The following RNF112 variants were observed in gnomAD, a reference collection of about 807,000 sequenced individuals.
RNF112 encodes ring finger protein 112.
RNF112 carries 34 observed loss-of-function variants against 64.7 expected under a neutral mutation model. The ratio of observed to expected loss-of-function variants is 0.53; its 90% CI spans 0.40 to 0.70. The LOEUF is 0.70. Among genes scored for constraint, RNF112 ranks in the 30% least tolerant of loss-of-function variants. The probability of loss-of-function intolerance (pLI) is 0.00; values close to 1 mark genes in which losing one functional copy is unlikely to be tolerated. For synonymous variants in RNF112, 345 were observed against 344.5 expected, an observed-to-expected ratio of 1.00 and a Z score of -0.02; for missense variants, 734 against 850.0, an observed-to-expected ratio of 0.86 and a Z score of 1.70.
In RNF112 at chr17:19,411,350, G is replaced by A; in HGVS notation, c.-59G>A. 6.5e-7 allele frequency: 1 copy of A among 1,548,734 alleles called. No individual in the cohort carries two copies. Reference sequence around the variant, plus strand: ...GGGAGAAAAGGCATCCTTACCTCTGGTTGAAGGTCTCGGGGCCTCCCCCTC... The same window carrying A: ...GGGAGAAAAGGCATCCTTACCTCTGATTGAAGGTCTCGGGGCCTCCCCCTC... On this transcript the variant is annotated 5_prime_UTR_variant, in exon 1 of 14. Coordinates refer to ENST00000461366, the MANE Select transcript of RNF112 (RefSeq NM_007148.5).
Position 19,412,349 on chromosome 17 carries a change from C to G in RNF112, c.96-149C>G. Reference sequence around the variant, plus strand: ...CAGAGCTTGGCCTCTCTGGGAGCAGCTCCGCCTGTCCATGGAGGCACTGAT... The same window carrying G: ...CAGAGCTTGGCCTCTCTGGGAGCAGGTCCGCCTGTCCATGGAGGCACTGAT... On this transcript the variant is annotated intron_variant, in intron 2 of 13. Coordinates refer to ENST00000461366, the MANE Select transcript of RNF112 (RefSeq NM_007148.5). This position sits in a 1 kb window ranked among gnomAD's most constrained non-coding sequence, Gnocchi z 5.1. 2 of 841,490 alleles carry G rather than the reference C, an allele frequency of 2.4e-6. No homozygotes were observed. Among genetic ancestry groups the G allele is most frequent in the Non-Finnish European group, 3.6e-6 (2 of 557,022 alleles). The allele number at this position is 841,490 out of a possible 1,614,324, so 52.1% of individuals were successfully genotyped here.
In RNF112 at chr17:19,412,984, A is replaced by G. The variant is rs746258304; in HGVS notation, c.428A>G (p.Asn143Ser). ...RAEPLLLVRI[N>S]ASGGLILRMG... ...GAGCCGCTGCTGCTGGTTCGCATCA[A>G]TGCCTCTGGGGGCCTCATCCTTAGG... Residue 143 changes from asparagine to serine, a missense_variant, in exon 4 of 14, where the codon AAT (asparagine) becomes AGT (serine). Physicochemically the swap from Asn to Ser is conservative, Grantham distance 46. Coordinates refer to ENST00000461366, the MANE Select transcript of RNF112 (RefSeq NM_007148.5). The surrounding 1 kb of genome is among the most constrained non-coding windows in gnomAD (Gnocchi z 5.1). 3.4e-5 allele frequency: 54 copies of G among 1,608,830 alleles called. 1 individual carries two copies. The highest frequency in any genetic ancestry group is 3.3e-4 in the South Asian group (30 of 90,120).
rs1035138212 is a variant in RNF112 at position 19,412,598 on chromosome 17, G to A, written c.196G>A (p.Asp66Asn). 9.3e-6 allele frequency: 15 copies of A among 1,613,194 alleles called. No homozygotes were observed. Among genetic ancestry groups the A allele is most frequent in the African/African-American group, 6.7e-5 (5 of 74,860 alleles). The change falls in exon 3 of 14, where the codon GAC becomes AAC. Residue 66 changes from aspartate to asparagine, a missense_variant. Transcript: ENST00000461366. This position sits in a 1 kb window ranked among gnomAD's most constrained non-coding sequence, Gnocchi z 5.1. ...CTCCATCTGCCTGGAGAGGTTGCGC[G>A]ACCCCATCTCGCTGGACTGTGGCCA... ...TCSICLERLRDPISLDCGHDF... is the reference protein window; with the variant it reads ...TCSICLERLRNPISLDCGHDF...
chr17:19,414,055 C>A, intron 6 of RNF112, 40 bp from the exon 7 acceptor site: 1 of 1,574,252 alleles, frequency 6.4e-7, no homozygotes, highest in Non-Finnish European at 8.7e-7. Flanking sequence ...GTCACCCGGC[C>A]TCTGTAATCT....
In RNF112 at chr17:19,413,425, T is replaced by A; in HGVS notation, c.720+14T>A. On this transcript the variant is annotated intron_variant, in intron 5 of 13. Transcript: ENST00000461366. This position sits in a 1 kb window ranked among gnomAD's most constrained non-coding sequence, Gnocchi z 5.9. The stretch of plus-strand genomic sequence containing the variant: ...GAAGGGAAGAAGGTGAGGGGGGAAG[T>A]GGCAGAAGGAGGTCAGGGATGGGAA... The A allele has an allele frequency of 3.1e-6, 5 of 1,600,460 alleles. No individual in the cohort carries two copies. Among genetic ancestry groups the A allele is most frequent in the Non-Finnish European group, 4.3e-6 (5 of 1,172,028 alleles).
chr17:19,416,004 G>A lies in RNF112; in HGVS notation c.1725G>A (p.Leu575=). Residue 575 remains leucine, a synonymous_variant, in exon 14 of 14, where the codon CTG becomes CTA. Transcript: ENST00000461366. ...GTGCTGGCATGGCAGCAGCTGCACTGGCTGCAGAGGCTGGGATGGTGGCTG... is the reference window on the plus strand; with the variant it reads ...GTGCTGGCATGGCAGCAGCTGCACTAGCTGCAGAGGCTGGGATGGTGGCTG... ...VVGAGMAAAA[L]AAEAGMVAAG... The A allele has an allele frequency of 6.4e-7, 1 of 1,553,032 alleles. No individual in the cohort carries two copies. The highest frequency in any genetic ancestry group is 1.2e-5 in the South Asian group (1 of 82,960).
rs562441993 is a variant in RNF112, at chr17:19,417,223, A to G, written c.*1048A>G. The G allele has an allele frequency of 6.6e-6, 1 of 152,334 alleles. No individual in the cohort carries two copies. Among genetic ancestry groups the G allele is most frequent in the East Asian group, 1.9e-4 (1 of 5,188 alleles). The allele number at this position is 152,334 out of a possible 1,614,324, so 9.4% of individuals were successfully genotyped here. A position where few individuals can be genotyped will look rare whatever the true frequency, so the allele number is the denominator to read the frequency against. ...TTCTAGGCTATGAAACTTACAGGGT[A>G]TGGGTGGGCACATTATCCTTTATTT... On this transcript the variant is annotated 3_prime_UTR_variant, in exon 14 of 14. Transcript: ENST00000461366.
rs556868189 is a variant in RNF112, at chr17:19,416,133, G to A, written c.1854G>A (p.Arg618=). The A allele has an allele frequency of 1.9e-6, 3 of 1,574,822 alleles. No individual in the cohort carries two copies. In the Admixed American group the frequency reaches 5.6e-5, roughly 29 times the overall value. The change falls in exon 14 of 14, where the codon AGG becomes AGA. Residue 618 remains arginine (R), a synonymous_variant. Coordinates refer to ENST00000461366, the MANE Select transcript of RNF112 (RefSeq NM_007148.5). ...VGCMEKEEDE[R]LLEGDREPLL... ...GCATGGAGAAGGAGGAGGATGAGAG[G>A]CTTCTGGAAGGGGACCGAGAGCCCC...
Position 19,414,438 on chromosome 17 carries a change from C to T in RNF112, c.877-11C>T, listed in dbSNP as rs748365130. 6.2e-7 allele frequency: 1 copy of T among 1,613,930 alleles called. No individual in the cohort carries two copies. Among genetic ancestry groups the T allele is most frequent in the Non-Finnish European group, 8.5e-7 (1 of 1,179,836 alleles). On this transcript the variant is annotated splice_polypyrimidine_tract_variant and intron_variant, in intron 7 of 13. Coordinates refer to ENST00000461366, the MANE Select transcript of RNF112 (RefSeq NM_007148.5). ...GGCCCAGCCCTGACGCTTTCTGTGT[C>T]CCACCCCCAGATGTTTGTCCACGTG... is the stretch of plus-strand genomic sequence containing the variant.
Position 19,415,097 on chromosome 17 carries a change from GC to G in RNF112, c.1192del (p.Gln398SerfsTer30). ...CTACGTCTCAGATGTGCTGAGTGCG[GC>G]CCCCCAGCACGCTAAGAGCCGCTGC... ...GAYVSDVLSAAPQHAKSRCQG... is the reference protein window; with the variant it reads ...GAYVSDVLSAXPQHAKSRCQG... On this transcript the variant is annotated frameshift_variant, in exon 11 of 14. Transcript: ENST00000461366. LOFTEE classifies it high-confidence loss of function. The surrounding 1 kb of genome is among the most constrained non-coding windows in gnomAD (Gnocchi z 7.8). 6.2e-7 allele frequency: 1 copy of G among 1,605,354 alleles called. No individual in the cohort carries two copies. The highest frequency in any genetic ancestry group is 8.5e-7 in the Non-Finnish European group (1 of 1,177,540).
At chr17:19,414,316 C>T in intron 7 of RNF112, 133 bp from the exon 8 acceptor site, 1 of 1,165,166 alleles carries the variant, frequency 8.6e-7, no homozygotes, top group Non-Finnish European at 1.3e-6. Flanking sequence ...TGGGGAGAGG[C>T]AGGAGAACCC....
At position 19,412,364 on chromosome 17, in the gene RNF112, G is replaced by C. The variant is rs1913690479; in HGVS notation, c.96-134G>C. The stretch of plus-strand genomic sequence containing the variant: ...CTGGGAGCAGCTCCGCCTGTCCATG[G>C]AGGCACTGATGGAAATTGGGTTGGC... On this transcript the variant is annotated intron_variant, in intron 2 of 13. Coordinates refer to ENST00000461366, the MANE Select transcript of RNF112 (RefSeq NM_007148.5). The surrounding 1 kb of genome is among the most constrained non-coding windows in gnomAD (Gnocchi z 5.1). The C allele has an allele frequency of 1.1e-6, 1 of 932,894 alleles. No homozygotes were observed. Among genetic ancestry groups the C allele is most frequent in the Admixed American group, 2.9e-5 (1 of 33,976 alleles). 57.8% of individuals were successfully genotyped at this position (932,894 alleles called of 1,614,324 possible).
chr17:19,414,018 C>A, intron 6 of RNF112, 77 bp from the exon 7 acceptor site: 1 of 1,306,514 alleles, frequency 7.7e-7, no homozygotes, highest in Non-Finnish European at 1.1e-6. Context: ...TGCGAGCTCC[C>A]TACTCACCAG....
In RNF112 at chr17:19,413,642, C is replaced by A; in HGVS notation, c.786C>A (p.Ile262=). The A allele has an allele frequency of 6.2e-7, 1 of 1,612,914 alleles. No individual in the cohort carries two copies. Among genetic ancestry groups the A allele is most frequent in the South Asian group, 1.1e-5 (1 of 90,790 alleles). The change falls in exon 6 of 14, where the codon ATC becomes ATA. Residue 262 remains isoleucine (I), a synonymous_variant. Transcript: ENST00000461366. This position sits in a 1 kb window ranked among gnomAD's most constrained non-coding sequence, Gnocchi z 5.9. ...MSPELSRETR[I]KLCALTTMLS... ...CTGAGCTGAGCAGGGAAACAAGGATCAAGCTCTGTGCTCTCACCACGATGC... is the reference window on the plus strand; with the variant it reads ...CTGAGCTGAGCAGGGAAACAAGGATAAAGCTCTGTGCTCTCACCACGATGC...
At position 19,413,476 on chromosome 17, in the gene RNF112, G is replaced by A. The variant is rs928639453; in HGVS notation, c.720+65G>A. On this transcript the variant is annotated intron_variant, in intron 5 of 13. Coordinates refer to ENST00000461366, the MANE Select transcript of RNF112 (RefSeq NM_007148.5). The surrounding 1 kb of genome is among the most constrained non-coding windows in gnomAD (Gnocchi z 5.9). ...GGGGAATCAAGAAGGGCGTCTCTGG[G>A]GTGAGGATAGAAGATGGGGATGGGA... is the stretch of plus-strand genomic sequence containing the variant. 3.2e-6 allele frequency: 5 copies of A among 1,577,696 alleles called. No individual in the cohort carries two copies. In the Admixed American group the frequency reaches 6.8e-5, roughly 21 times the overall value.
In RNF112 at chr17:19,412,847, A is replaced by G; in HGVS notation, c.381+64A>G. 1 of 1,588,780 alleles carries G rather than the reference A, an allele frequency of 6.3e-7. No individual in the cohort carries two copies. Among genetic ancestry groups the G allele is most frequent in the Admixed American group, 1.9e-5 (1 of 52,682 alleles). On this transcript the variant is annotated intron_variant, in intron 3 of 13. Coordinates refer to ENST00000461366, the MANE Select transcript of RNF112 (RefSeq NM_007148.5). The surrounding 1 kb of genome is among the most constrained non-coding windows in gnomAD (Gnocchi z 5.1). ...GGGGGTGGCTTTGGCCCTATTCTAGAACATCAGGACACAGAGCTCCAGGCT... is the reference window on the plus strand; with the variant it reads ...GGGGGTGGCTTTGGCCCTATTCTAGGACATCAGGACACAGAGCTCCAGGCT...
At position 19,412,100 on chromosome 17, in the gene RNF112, T is replaced by C. The variant is rs1174044607; in HGVS notation, c.96-398T>C. ...ACAGCTGCACACGCCTCCTCTCGGA[T>C]GGCCACCCCAACGGCCCCATGAGGG... is the stretch of plus-strand genomic sequence containing the variant. On this transcript the variant is annotated intron_variant, in intron 2 of 13. Coordinates refer to ENST00000461366, the MANE Select transcript of RNF112 (RefSeq NM_007148.5). This position sits in a 1 kb window ranked among gnomAD's most constrained non-coding sequence, Gnocchi z 5.1. Among the ~76,000 whole-genome samples, 1 of 152,208 alleles carries C rather than the reference T, an allele frequency of 6.6e-6. No homozygotes were observed. The highest frequency in any genetic ancestry group is 6.5e-5 in the Admixed American group (1 of 15,282).
chr17:19,414,174 C>T (rs773744581), intron 7 of RNF112, 29 bp downstream of exon 7: 1 of 1,578,356 alleles, frequency 6.3e-7, no homozygotes, highest in Admixed American at 1.7e-5. Context: ...TTGGGGCATC[C>T]CCCACCCCCA....
Position 19,413,583 on chromosome 17 carries a change from G to A in RNF112, c.727G>A (p.Val243Met), listed in dbSNP as rs762452627. 6.2e-7 allele frequency: 1 copy of A among 1,612,846 alleles called. No homozygotes were observed. Among genetic ancestry groups the A allele is most frequent in the Non-Finnish European group, 8.5e-7 (1 of 1,179,402 alleles). The change falls in exon 6 of 14, where the codon GTG (valine) becomes ATG (methionine). Residue 243 changes from valine (V) to methionine (M), a missense_variant. Coordinates refer to ENST00000461366, the MANE Select transcript of RNF112 (RefSeq NM_007148.5). This position sits in a 1 kb window ranked among gnomAD's most constrained non-coding sequence, Gnocchi z 5.9. Reference protein sequence around the residue: ...LLGKEGKKVAVFLVDTGDAMS... With the variant: ...LLGKEGKKVAMFLVDTGDAMS... Reference sequence around the variant, plus strand: ...TTCCCTACCCCCTGCATAGGTGGCGGTGTTCCTGGTGGACACAGGGGATGC... The same window carrying A: ...TTCCCTACCCCCTGCATAGGTGGCGATGTTCCTGGTGGACACAGGGGATGC...
Sources: gnomAD v4.1 joint callset for allele counts (sites outside exome capture counted in the v4.1 genomes callset) on GRCh38, gnomAD v4.1.1 for gene constraint, Gnocchi (gnomAD v3.1) non-coding constraint, MANE v1.5 for transcripts, NCBI Gene and HGNC (gene_info 2026-07-23, HGNC 2026-07-21) for gene names.